Variants in RPS6KC1 observed in about 807,000 individuals in gnomAD.
RPS6KC1 encodes the protein ribosomal protein S6 kinase C1.
Under a neutral mutation model 103.8 loss-of-function variants are expected in RPS6KC1, and 54 were observed. The observed-to-expected ratio is 0.52, with a 90% confidence interval of 0.42 to 0.65. The LOEUF (loss-of-function observed/expected upper bound fraction) is 0.65. Ranked by LOEUF, RPS6KC1 falls within the 30% of genes least tolerant of loss-of-function variation. RPS6KC1 has a pLI of 0.00. For missense variants in RPS6KC1, 1,151 were observed against 1,253.8 expected, an observed-to-expected ratio of 0.92 and a Z score of 1.24; for synonymous variants, 439 against 438.7, an observed-to-expected ratio of 1.00 and a Z score of -0.01.
At chr1:213,363,629 T>TCTTG in the RPS6KC1 span, among the ~76,000 whole-genome samples, 3 of 36,502 alleles carry the variant, frequency 8.2e-5, no homozygotes, top group East Asian at 1.8e-3. Flanking sequence ...TTGCTTGCTT[T>TCTTG]CTTTCTTTCT....
the RPS6KC1 span, among the ~76,000 whole-genome samples, chr1:213,643,190 T>C: frequency 6.6e-6 from 1 of 151,098 alleles, no homozygotes; most frequent in Non-Finnish European, 1.5e-5. Flanking sequence ...TTAAAGTCAA[T>C]TTGTCAAGCT....
the RPS6KC1 span, among the ~76,000 whole-genome samples, chr1:213,342,218 C>T: frequency 4.6e-5 from 7 of 152,222 alleles, no homozygotes; most frequent in African/African-American, 1.7e-4. Flanking sequence ...AAAGGGAAGC[C>T]ACCTGCTTGA....
chr1:213,566,446 T>G, the RPS6KC1 span, among the ~76,000 whole-genome samples: 43 of 20,576 alleles, frequency 2.1e-3, no homozygotes, highest in African/African-American at 0.016. Context: ...AGTTTTTTTT[T>G]TTTTTTTTTT....
At chr1:213,814,449 A>C in the RPS6KC1 span, among the ~76,000 whole-genome samples, 10 of 152,330 alleles carry the variant, frequency 6.6e-5, no homozygotes, top group South Asian at 4.1e-4. Context: ...GAGAGTTAGA[A>C]TCATAGGTGA....
chr1:213,757,637 G>A, the RPS6KC1 span, among the ~76,000 whole-genome samples: 5 of 152,326 alleles, frequency 3.3e-5, no homozygotes, highest in Non-Finnish European at 7.4e-5. Context: ...CAAGATCTTA[G>A]CAGAAGATCT....
chr1:213,372,218 T>C, the RPS6KC1 span, among the ~76,000 whole-genome samples: 1 of 152,228 alleles, frequency 6.6e-6, no homozygotes, highest in East Asian at 1.9e-4. Flanking sequence ...GAGGGGTGTC[T>C]GCCTGCACCA....
chr1:213,674,176 G>T, the RPS6KC1 span, among the ~76,000 whole-genome samples: 1 of 152,062 alleles, frequency 6.6e-6, no homozygotes, highest in Admixed American at 6.5e-5. Flanking sequence ...ATGCCACCAC[G>T]CCTGGCTACT....
At chr1:213,183,138 A>T (rs2092363977) in intron 8 of RPS6KC1, among the ~76,000 whole-genome samples, 1 of 152,102 alleles carries the variant, frequency 6.6e-6, no homozygotes, top group African/African-American at 2.4e-5. Flanking sequence ...AATCCTACAA[A>T]TGTATATACC....
the RPS6KC1 span, among the ~76,000 whole-genome samples, chr1:213,499,639 C>T: frequency 6.6e-6 from 1 of 151,940 alleles, no homozygotes; most frequent in African/African-American, 2.4e-5. Flanking sequence ...TCCTGCTGTA[C>T]GGCCTGGTTC....
At chr1:213,692,363 C>G in the RPS6KC1 span, among the ~76,000 whole-genome samples, 1 of 145,928 alleles carries the variant, frequency 6.9e-6, no homozygotes, top group East Asian at 2.0e-4. Context: ...CCACTACACT[C>G]TAGCCTGGGA....
the RPS6KC1 span, among the ~76,000 whole-genome samples, chr1:213,768,851 G>A: frequency 6.6e-6 from 1 of 152,198 alleles, no homozygotes; most frequent in Non-Finnish European, 1.5e-5. Context: ...AACAACGCCT[G>A]CAGAACTCTA....
At chr1:213,662,115 C>G in the RPS6KC1 span, among the ~76,000 whole-genome samples, 2 of 151,990 alleles carry the variant, frequency 1.3e-5, no homozygotes, top group African/African-American at 2.4e-5. Flanking sequence ...TTTATGACCC[C>G]CACTCCCCTC....
At chr1:213,776,097 A>G in the RPS6KC1 span, among the ~76,000 whole-genome samples, 1 of 152,156 alleles carries the variant, frequency 6.6e-6, no homozygotes, top group South Asian at 2.1e-4. Flanking sequence ...TACTTCCTCC[A>G]CTAATGTCTT....
the RPS6KC1 span, among the ~76,000 whole-genome samples, chr1:213,455,198 T>G: frequency 1.3e-5 from 2 of 152,238 alleles, no homozygotes; most frequent in African/African-American, 4.8e-5. Context: ...GAGTGCTGGC[T>G]GTCCTACATC....
intron 3 of RPS6KC1, among the ~76,000 whole-genome samples, chr1:213,079,328 T>G (rs954460794): frequency 1.3e-5 from 2 of 152,218 alleles, no homozygotes; most frequent in African/African-American, 4.8e-5. Flanking sequence ...TCAAGGGGTC[T>G]GCATATTTTT....
chr1:213,542,050 A>G, the RPS6KC1 span, among the ~76,000 whole-genome samples: 1 of 152,034 alleles, frequency 6.6e-6, no homozygotes, highest in Non-Finnish European at 1.5e-5. Context: ...GGATAGGGAG[A>G]CACGATTTAA....
chr1:213,448,611 C>T, the RPS6KC1 span, among the ~76,000 whole-genome samples: 83 of 152,188 alleles, frequency 5.5e-4, no homozygotes, highest in South Asian at 2.7e-3. Context: ...CCGACATCCA[C>T]GCAAGCCAGA....
the RPS6KC1 span, among the ~76,000 whole-genome samples, chr1:213,853,533 G>C: frequency 6.6e-6 from 1 of 152,210 alleles, no homozygotes; most frequent in Non-Finnish European, 1.5e-5. Flanking sequence ...TCCATGCTGT[G>C]AGAAGAAATG....
Position 213,051,510 on chromosome 1 carries a change from G to T in RPS6KC1, c.105+1G>T, listed in dbSNP as rs1328090435. 6.2e-7 allele frequency: 1 copy of T among 1,602,674 alleles called. No individual in the cohort carries two copies. The highest frequency in any genetic ancestry group is 1.3e-5 in the African/African-American group (1 of 74,548). ...CACAGTATATAAGGTCACCGCCCGG[G>T]TGAGTGCCGGTGTCGGGCTGGGGTA... is the stretch of plus-strand genomic sequence containing the variant. On this transcript the variant is annotated splice_donor_variant, in intron 1 of 14. Coordinates refer to ENST00000366960, the MANE Select transcript of RPS6KC1 (RefSeq NM_012424.6). LOFTEE classifies it high-confidence loss of function.
Sources: allele counts gnomAD v4.1 joint callset (sites outside exome capture counted in the v4.1 genomes callset), GRCh38; gene constraint gnomAD v4.1.1; transcripts MANE v1.5; gene names NCBI Gene and HGNC (gene_info 2026-07-23, HGNC 2026-07-21).